Variants in RNF185 observed in about 807,000 individuals in gnomAD.
The protein encoded by RNF185 is E3 ubiquitin-protein ligase RNF185.
Under a neutral mutation model 24.9 loss-of-function variants are expected in RNF185, and 13 were observed. That is an observed-to-expected ratio of 0.52 (90% confidence interval 0.34 to 0.83). The LOEUF is 0.83. Ranked by LOEUF, RNF185 falls within the 40% of genes least tolerant of loss-of-function variation. RNF185 has a pLI of 0.01. For synonymous variants in RNF185, 79 were observed against 90.3 expected (o/e 0.88, Z 0.71); for missense variants, 184 against 244.7 (o/e 0.75, Z 1.65).
At chr22:31,188,477 C>T (rs1045300786) in intron 2 of RNF185, among the ~76,000 whole-genome samples, 8 of 152,072 alleles carry the variant, frequency 5.3e-5, no homozygotes, top group Non-Finnish European at 1.0e-4. Flanking sequence ...AGACAGGATA[C>T]CCCTGATTTG....
chr22:31,198,821 G>A (rs987312537), intron 5 of RNF185, among the ~76,000 whole-genome samples: 10 of 147,608 alleles, frequency 6.8e-5, no homozygotes, highest in South Asian at 2.2e-4. Flanking sequence ...TCGGCTGGGC[G>A]TGGTGGCTCA....
chr22:31,201,857 A>G (rs2048265798), intron 6 of RNF185, among the ~76,000 whole-genome samples: 1 of 152,198 alleles, frequency 6.6e-6, no homozygotes, highest in Non-Finnish European at 1.5e-5. Flanking sequence ...GATCATCACA[A>G]CCACCCTATG....
intron 6 of RNF185, among the ~76,000 whole-genome samples, chr22:31,202,675 C>T (rs1019935316): frequency 7.4e-6 from 1 of 135,156 alleles, no homozygotes; most frequent in African/African-American, 2.8e-5. Context: ...TGCAGTGGCA[C>T]AATCTCGGCT....
At chr22:31,177,709 C>G (rs975938831) in intron 1 of RNF185, among the ~76,000 whole-genome samples, 4 of 152,118 alleles carry the variant, frequency 2.6e-5, no homozygotes, top group African/African-American at 9.7e-5. Flanking sequence ...GAAATGAGAC[C>G]TCTGCTGGGA....
chr22:31,186,929 T>G lies in RNF185; in HGVS notation c.-48-118T>G. On this transcript the variant is annotated intron_variant, in intron 1 of 6. Transcript: ENST00000326132. ...TTGTCTTCTGTAGCGCTTTGGGAAG[T>G]CTGCTCAGGGATTCAGTCATAATCA... 3 of 746,110 alleles carry G rather than the reference T, an allele frequency of 4.0e-6. No individual in the cohort carries two copies. The South Asian group carries it at 5.7e-5, about 14-fold the overall frequency. 46.2% of individuals were successfully genotyped at this position (746,110 alleles called of 1,614,324 possible).
rs2413036 is a variant in RNF185 at position 31,204,779 on chromosome 22, C to T, written c.*193C>T. ...GGCGATGACCCCTGAATATCGCCAC[C>T]GCTGTAAACACTCTATAACTTCAGG... On this transcript the variant is annotated 3_prime_UTR_variant, in exon 7 of 7. Coordinates refer to ENST00000326132, the MANE Select transcript of RNF185 (RefSeq NM_152267.4). 9 of 568,542 alleles carry T rather than the reference C, an allele frequency of 1.6e-5. No individual in the cohort carries two copies. Among genetic ancestry groups the T allele is most frequent in the Middle Eastern group, 4.8e-4 (1 of 2,066 alleles). The allele number at this position is 568,542 out of a possible 1,614,324, so 35.2% of individuals were successfully genotyped here. A position where few individuals can be genotyped will look rare whatever the true frequency, so the allele number is the denominator to read the frequency against.
intron 1 of RNF185, among the ~76,000 whole-genome samples, chr22:31,174,379 AT>A (rs11293209): frequency 0.61 from 91,940 of 150,378 alleles, 28,846 homozygotes; most frequent in Middle Eastern, 0.74. Flanking sequence ...TTTAAAAAAA[AT>A]TTTTTTTTTT....
At chr22:31,179,599 T>C (rs140652410) in intron 1 of RNF185, among the ~76,000 whole-genome samples, 63 of 152,286 alleles carry the variant, frequency 4.1e-4, no homozygotes, top group African/African-American at 1.4e-3. Flanking sequence ...ATGTGGTGTC[T>C]ACTAAGATTT....
chr22:31,175,496 T>A (rs2047974305), intron 1 of RNF185, among the ~76,000 whole-genome samples: 1 of 151,474 alleles, frequency 6.6e-6, no homozygotes, highest in Non-Finnish European at 1.5e-5. Flanking sequence ...AAAACATACA[T>A]GTCATTGTCA....
At chr22:31,196,801 A>T in intron 4 of RNF185, 135 bp from the exon 5 acceptor site, 1 of 1,131,452 alleles carries the variant, frequency 8.8e-7, no homozygotes, top group Non-Finnish European at 1.2e-6. Context: ...TTGGAGAATT[A>T]ATCTGGCATA....
At chr22:31,190,548 A>G (rs1364981887) in intron 2 of RNF185, among the ~76,000 whole-genome samples, 3 of 151,178 alleles carry the variant, frequency 2.0e-5, no homozygotes, top group Non-Finnish European at 4.4e-5. Context: ...CAGCCTTCCA[A>G]AGTGCTGGGA....
intron 1 of RNF185, among the ~76,000 whole-genome samples, chr22:31,174,781 T>C (rs1179906384): frequency 6.6e-6 from 1 of 151,968 alleles, no homozygotes; most frequent in Non-Finnish European, 1.5e-5. Context: ...TTAAAAATAA[T>C]GGAAGAGGCT....
intron 1 of RNF185, among the ~76,000 whole-genome samples, chr22:31,164,179 C>G (rs563539788): frequency 2.9e-4 from 44 of 152,038 alleles, no homozygotes; most frequent in Middle Eastern, 3.4e-3. Flanking sequence ...GTGGGTTTCA[C>G]CGTGTTGGCC....
chr22:31,184,161 G>A (rs1009982130), intron 1 of RNF185, among the ~76,000 whole-genome samples: 3 of 151,600 alleles, frequency 2.0e-5, no homozygotes, highest in Non-Finnish European at 4.4e-5. Flanking sequence ...CTTCCCGGAC[G>A]GGGCGGCTGC....
chr22:31,196,164 T>C (rs2048203737), intron 4 of RNF185, among the ~76,000 whole-genome samples: 1 of 152,160 alleles, frequency 6.6e-6, no homozygotes, highest in South Asian at 2.1e-4. Flanking sequence ...CTCTTCTGCC[T>C]TCTTCCCTCC....
rs1204862173 is a variant in RNF185, at chr22:31,205,574, C to T, written c.*988C>T. 6.6e-6 allele frequency: 1 copy of T among 152,210 alleles called. No homozygotes were observed. Among genetic ancestry groups the T allele is most frequent in the Non-Finnish European group, 1.5e-5 (1 of 68,048 alleles). The allele number at this position is 152,210 out of a possible 1,614,324, so 9.4% of individuals were successfully genotyped here. A position where few individuals can be genotyped will look rare whatever the true frequency, so the allele number is the denominator to read the frequency against. On this transcript the variant is annotated 3_prime_UTR_variant, in exon 7 of 7. Coordinates refer to ENST00000326132, the MANE Select transcript of RNF185 (RefSeq NM_152267.4). ...CAGGAAACTGGGGGCTTTGTCAGGT[C>T]AGCCCAACTGCATGCAAAAGACCAC...
At chr22:31,195,430 C>G in intron 3 of RNF185, 39 bp from the exon 4 acceptor site, 1 of 1,446,708 alleles carries the variant, frequency 6.9e-7, no homozygotes, top group South Asian at 1.2e-5. Flanking sequence ...TCTGGTGGGT[C>G]TTGGGCCATC....
At chr22:31,191,015 GC>G (rs2048150950) in intron 2 of RNF185, among the ~76,000 whole-genome samples, 1 of 152,232 alleles carries the variant, frequency 6.6e-6, no homozygotes, top group Admixed American at 6.5e-5. Context: ...ATACTATGTA[GC>G]CTAGGTGTGT....
intron 5 of RNF185, among the ~76,000 whole-genome samples, chr22:31,200,666 G>A (rs944223039): frequency 1.3e-5 from 2 of 152,222 alleles, no homozygotes; most frequent in African/African-American, 4.8e-5. Flanking sequence ...AACTGAGGGT[G>A]ATATACCAAA....
Sources: gnomAD v4.1 joint callset for allele counts (sites outside exome capture counted in the v4.1 genomes callset) on GRCh38, gnomAD v4.1.1 for gene constraint, MANE v1.5 for transcripts, NCBI Gene and HGNC (gene_info 2026-07-23, HGNC 2026-07-21) for gene names.